PRDM16: variants seen among roughly 807,000 people sequenced by gnomAD.
The protein encoded by PRDM16 is PR/SET domain 16.
PRDM16 carries 23 observed loss-of-function variants against 110.6 expected under a neutral mutation model. The ratio of observed to expected loss-of-function variants is 0.21; its 90% CI spans 0.15 to 0.29. PRDM16 has a LOEUF of 0.29. Ranked by LOEUF, PRDM16 falls within the 10% of genes least tolerant of loss-of-function variation. The pLI, the probability that PRDM16 is intolerant of heterozygous loss-of-function variation, is 1.00. For missense variants in PRDM16, 1,615 were observed against 1,794.3 expected (o/e 0.90, Z 1.81); for synonymous variants, 799 against 781.8 (o/e 1.02, Z -0.37).
chr1:3,331,444 C>T (rs1000506644), intron 3 of PRDM16, among the ~76,000 whole-genome samples: 10 of 145,158 alleles, frequency 6.9e-5, no homozygotes, highest in East Asian at 2.1e-4. Flanking sequence ...GTTCAAAGCA[C>T]GTTTGTTGAA....
chr1:3,092,018 C>T (rs1256420373), intron 1 of PRDM16, among the ~76,000 whole-genome samples: 2 of 152,224 alleles, frequency 1.3e-5, no homozygotes, highest in South Asian at 2.1e-4. Context: ...GGAGGGGACG[C>T]AGGTCCCCAT....
intron 3 of PRDM16, among the ~76,000 whole-genome samples, chr1:3,352,478 C>T (rs1642514169): frequency 6.6e-6 from 1 of 152,222 alleles, no homozygotes; most frequent in African/African-American, 2.4e-5. Context: ...AGCATTTCCG[C>T]CCTCCGCTCT....
intron 3 of PRDM16, among the ~76,000 whole-genome samples, chr1:3,291,614 C>G (rs2100359489): frequency 6.6e-6 from 1 of 152,306 alleles, no homozygotes; most frequent in South Asian, 2.1e-4. Flanking sequence ...AGGCCATGGG[C>G]TCCCTATTAA....
chr1:3,310,858 AGT>A (rs774283970), intron 3 of PRDM16, among the ~76,000 whole-genome samples: 7 of 151,634 alleles, frequency 4.6e-5, no homozygotes, highest in African/African-American at 7.3e-5. Context: ...TGCACATATA[AGT>A]GTGTGTGCAT....
In PRDM16 at chr1:3,315,480, A is replaced by T. The variant is rs566300070; in HGVS notation, c.439-69672A>T. On this transcript the variant is annotated intron_variant, in intron 3 of 16. Coordinates refer to ENST00000270722, the MANE Select transcript of PRDM16 (RefSeq NM_022114.4). ...TAGGAAGAGCTTCTTGCTGAAGGAC[A>T]TGGGCACATTTATAAGCCATCAATA... Among the ~76,000 whole-genome samples, 3 of 152,284 alleles carry T rather than the reference A, an allele frequency of 2.0e-5. No individual in the cohort carries two copies. In the East Asian group the frequency reaches 5.8e-4, roughly 29 times the overall value.
chr1:3,226,789 C>A (rs1292900523), intron 2 of PRDM16, among the ~76,000 whole-genome samples: 2 of 152,146 alleles, frequency 1.3e-5, no homozygotes, highest in African/African-American at 4.8e-5. Context: ...AGGACTGGGT[C>A]CCCGCACGGG....
chr1:3,369,019 A>G (rs1366890394), intron 3 of PRDM16, among the ~76,000 whole-genome samples: 1 of 152,224 alleles, frequency 6.6e-6, no homozygotes, highest in Non-Finnish European at 1.5e-5. Flanking sequence ...GATTTTTAAT[A>G]AACCATTTTG....
intron 3 of PRDM16, among the ~76,000 whole-genome samples, chr1:3,250,644 G>A (rs1264500667): frequency 2.4e-4 from 36 of 152,152 alleles, no homozygotes; most frequent in Admixed American, 2.2e-3. Flanking sequence ...ACCACCCTGC[G>A]TGTCTGAGGT....
chr1:3,132,054 G>A (rs1643345892), intron 1 of PRDM16, among the ~76,000 whole-genome samples: 1 of 152,132 alleles, frequency 6.6e-6, no homozygotes, highest in African/African-American at 2.4e-5. Flanking sequence ...TTCTTTATGT[G>A]CTAATTATAT....
chr1:3,426,338 T>A, intron 14 of PRDM16, 113 bp downstream of exon 14: 2 of 808,120 alleles, frequency 2.5e-6, no homozygotes, highest in Non-Finnish European at 3.9e-6. Context: ...CACATCCAGA[T>A]AGGCGCAGTG....
chr1:3,138,464 G>T (rs910005179), intron 1 of PRDM16, among the ~76,000 whole-genome samples: 17 of 152,220 alleles, frequency 1.1e-4, no homozygotes, highest in Non-Finnish European at 2.4e-4. Flanking sequence ...TCTCCGTCCA[G>T]TCTCTGAGGT....
rs546721547 is a variant in PRDM16 at position 3,355,389 on chromosome 1, AT to A, written c.439-29760del. Among the ~76,000 whole-genome samples, 71 of 151,752 alleles carry A rather than the reference AT, an allele frequency of 4.7e-4. 1 individual carries two copies. Among genetic ancestry groups the A allele is most frequent in the African/African-American group, 1.6e-3 (67 of 41,320 alleles). ...CTCTTCCAACACAGCTTCTCTTTCC[AT>A]TTCTTCAGCCTGGCGGGGGGCTTGG... On this transcript the variant is annotated intron_variant, in intron 3 of 16. Transcript: ENST00000270722.
At chr1:3,274,911 T>C (rs1640548372) in intron 3 of PRDM16, among the ~76,000 whole-genome samples, 1 of 152,244 alleles carries the variant, frequency 6.6e-6, no homozygotes, top group African/African-American at 2.4e-5. Flanking sequence ...TGGCACCTGC[T>C]CAAGGCGTTC....
At chr1:3,304,869 A>G (rs370628901) in intron 3 of PRDM16, among the ~76,000 whole-genome samples, 1 of 152,064 alleles carries the variant, frequency 6.6e-6, no homozygotes, top group East Asian at 1.9e-4. Flanking sequence ...GAGCCCAAGG[A>G]GGTGGCCTCC....
intron 12 of PRDM16, 138 bp downstream of exon 12, chr1:3,418,882 TTC>T (rs1344082779): frequency 4.4e-6 from 3 of 688,618 alleles, no homozygotes; most frequent in Non-Finnish European, 7.9e-6. Context: ...GGGTGCTGAA[TTC>T]TGGTCACTCT....
At chr1:3,234,772 T>C (rs1310548721) in intron 2 of PRDM16, among the ~76,000 whole-genome samples, 3 of 152,230 alleles carry the variant, frequency 2.0e-5, no homozygotes, top group Non-Finnish European at 4.4e-5. Context: ...GACTCATGAT[T>C]TATTATTCGG....
At chr1:3,321,175 G>A (rs1218674845) in intron 3 of PRDM16, among the ~76,000 whole-genome samples, 1 of 152,224 alleles carries the variant, frequency 6.6e-6, no homozygotes, top group African/African-American at 2.4e-5. Flanking sequence ...AGGTGTGTGT[G>A]GAAGCTCCCT....
intron 1 of PRDM16, among the ~76,000 whole-genome samples, chr1:3,176,975 C>T (rs1644098529): frequency 1.3e-5 from 2 of 151,920 alleles, no homozygotes; most frequent in South Asian, 4.2e-4. Flanking sequence ...CATCCATTAA[C>T]CCATCCAGCA....
intron 3 of PRDM16, among the ~76,000 whole-genome samples, chr1:3,371,260 CCATCCATT>C (rs1160364456): frequency 6.7e-6 from 1 of 148,762 alleles, no homozygotes; most frequent in East Asian, 2.1e-4. Flanking sequence ...CATCCATCCA[CCATCCATT>C]CATCCATTCA....
Sources: allele counts gnomAD v4.1 joint callset (sites outside exome capture counted in the v4.1 genomes callset), GRCh38; gene constraint gnomAD v4.1.1; transcripts MANE v1.5; gene names NCBI Gene and HGNC (gene_info 2026-07-23, HGNC 2026-07-21).